DOCK10: variants seen among roughly 807,000 people sequenced by gnomAD.
DOCK10 encodes dedicator of cytokinesis protein 10.
In DOCK10, 145 loss-of-function variants were observed where a neutral mutation model predicts 280.1. That is an observed-to-expected ratio of 0.52 (90% CI 0.45 to 0.59). DOCK10 has a LOEUF of 0.59. Among genes scored for constraint, DOCK10 ranks in the 20% least tolerant of loss-of-function variants. DOCK10 has a pLI of 0.00. For synonymous variants in DOCK10, 915 were observed against 942.2 expected, an observed-to-expected ratio of 0.97 and a Z score of 0.53; for missense variants, 2,368 against 2,651.7, an observed-to-expected ratio of 0.89 and a Z score of 2.35.
chr2:224,987,856 T>G (rs1332234053), intron 1 of DOCK10, among the ~76,000 whole-genome samples: 1 of 152,164 alleles, frequency 6.6e-6, no homozygotes, highest in African/African-American at 2.4e-5. Context: ...CTTGTCCAAA[T>G]GACAGCCTGG....
intron 1 of DOCK10, among the ~76,000 whole-genome samples, chr2:225,000,389 T>C (rs1706400518): frequency 6.6e-6 from 1 of 152,240 alleles, no homozygotes; most frequent in African/African-American, 2.4e-5. Flanking sequence ...ATTCTATTTA[T>C]TACAGTCATT....
chr2:224,885,789 T>C lies in DOCK10; in HGVS notation c.629A>G (p.Tyr210Cys). ...TVTVRSFKKR[Y>C]FQLTQLPDNS... The stretch of plus-strand genomic sequence containing the variant: ...ATCTGGTAACTGAGTCAGCTGGAAG[T>C]AGCGCTTTTTGAATGACTAAATAAA... The change falls in exon 7 of 56, where the codon TAC becomes TGC. Residue 210 changes from tyrosine to cysteine, a missense_variant. Transcript: ENST00000258390. 1 of 1,613,110 alleles carries C rather than the reference T, an allele frequency of 6.2e-7. No individual in the cohort carries two copies. The highest frequency in any genetic ancestry group is 1.1e-5 in the South Asian group (1 of 90,910).
At chr2:224,999,843 C>T (rs940223915) in intron 1 of DOCK10, among the ~76,000 whole-genome samples, 6 of 151,900 alleles carry the variant, frequency 3.9e-5, no homozygotes, top group Non-Finnish European at 8.8e-5. Context: ...GAGTTGCAGT[C>T]TGACAGTATG....
intron 16 of DOCK10, among the ~76,000 whole-genome samples, chr2:224,854,295 C>T (rs1242454993): frequency 6.6e-6 from 1 of 151,778 alleles, no homozygotes; most frequent in Non-Finnish European, 1.5e-5. Context: ...CCAATTTTAC[C>T]ACTTAAAAAT....
intron 29 of DOCK10, among the ~76,000 whole-genome samples, chr2:224,818,796 G>A (rs750029696): frequency 2.6e-5 from 4 of 152,162 alleles, no homozygotes; most frequent in African/African-American, 9.7e-5. Context: ...TCAAATTGGA[G>A]TCAGTTTCTG....
chr2:224,864,636 A>C lies in DOCK10; in HGVS notation c.1519T>G (p.Leu507Val). 1 of 1,613,576 alleles carries C rather than the reference A, an allele frequency of 6.2e-7. No homozygotes were observed. Among genetic ancestry groups the C allele is most frequent in the Non-Finnish European group, 8.5e-7 (1 of 1,179,800 alleles). Residue 507 changes from leucine to valine, a missense_variant, in exon 13 of 56, where the codon TTG becomes GTG. Transcript: ENST00000258390. ...SVSNPHSEIVLVAKIEKVLMG... is the reference protein window; with the variant it reads ...SVSNPHSEIVVVAKIEKVLMG... ...AAGACTTTTTCGATTTTGGCCACCA[A>C]AACAATTTCAGAATGTGGATTGCTT... is the stretch of plus-strand genomic sequence containing the variant.
At chr2:224,820,566 G>A (rs2125321745) in intron 28 of DOCK10, among the ~76,000 whole-genome samples, 1 of 152,234 alleles carries the variant, frequency 6.6e-6, no homozygotes, top group East Asian at 1.9e-4. Flanking sequence ...AAGTGTCCAG[G>A]ATGATCCATT....
At chr2:225,000,777 C>T (rs186165683) in intron 1 of DOCK10, among the ~76,000 whole-genome samples, 9 of 152,208 alleles carry the variant, frequency 5.9e-5, no homozygotes, top group Admixed American at 1.3e-4. Flanking sequence ...GTCAGGAGTT[C>T]GAGACCAGTC....
At chr2:224,959,271 G>C (rs1167547967) in intron 1 of DOCK10, among the ~76,000 whole-genome samples, 1 of 98,686 alleles carries the variant, frequency 1.0e-5, no homozygotes, top group Non-Finnish European at 2.3e-5. Context: ...GATAGGTTGA[G>C]TGACCTCAGG....
chr2:225,023,225 G>A (rs1439171574), intron 1 of DOCK10, among the ~76,000 whole-genome samples: 3 of 152,088 alleles, frequency 2.0e-5, no homozygotes, highest in Non-Finnish European at 4.4e-5. Context: ...TAGTGGAGAC[G>A]GGGTTTCTCC....
intron 14 of DOCK10, among the ~76,000 whole-genome samples, chr2:224,858,494 T>TA (rs1574949424): frequency 6.6e-6 from 1 of 152,180 alleles, no homozygotes; most frequent in Admixed American, 6.5e-5. Flanking sequence ...CCGTCTCTAC[T>TA]AAAAATACAA....
rs188356873 is a variant in DOCK10 at position 224,873,553 on chromosome 2, C to T, written c.1257+443G>A. The stretch of plus-strand genomic sequence containing the variant: ...CTGAGGCTGCAGTGAGCCGAGACTG[C>T]GCAACTGCACTCCAGCCTGGGCAAC... On this transcript the variant is annotated intron_variant, in intron 11 of 55. Transcript: ENST00000258390. Among the ~76,000 whole-genome samples, 193 of 138,376 alleles carry T rather than the reference C, an allele frequency of 1.4e-3. 3 individuals carry two copies. Among genetic ancestry groups the T allele is most frequent in the Admixed American group, 0.012 (149 of 12,514 alleles). 90.8% of individuals were successfully genotyped at this position (138,376 alleles called of 152,430 possible). A position where few individuals can be genotyped will look rare whatever the true frequency, so the allele number is the denominator to read the frequency against.
At chr2:224,779,390 GTTT>G (rs1473872894) in intron 50 of DOCK10, among the ~76,000 whole-genome samples, 1 of 151,950 alleles carries the variant, frequency 6.6e-6, no homozygotes, top group Non-Finnish European at 1.5e-5. Flanking sequence ...TAATTTTTGT[GTTT>G]TTAATTAAGG....
At chr2:224,991,109 G>A (rs565759190) in intron 1 of DOCK10, among the ~76,000 whole-genome samples, 3 of 152,340 alleles carry the variant, frequency 2.0e-5, no homozygotes, top group Admixed American at 6.5e-5. Flanking sequence ...GGTGAAGGCA[G>A]GTGGGCTGAA....
intron 3 of DOCK10, among the ~76,000 whole-genome samples, chr2:224,904,502 G>A (rs1162295170): frequency 6.6e-6 from 1 of 152,046 alleles, no homozygotes; most frequent in African/African-American, 2.4e-5. Context: ...TAGCCCTGAG[G>A]TCACACTATA....
chr2:224,910,804 G>C (rs1490228251), intron 3 of DOCK10, among the ~76,000 whole-genome samples: 1 of 152,072 alleles, frequency 6.6e-6, no homozygotes, highest in African/African-American at 2.4e-5. Flanking sequence ...CGGGATATTT[G>C]TAAGCAGGGC....
rs577741461 is a variant in DOCK10 at position 224,995,443 on chromosome 2, A to G, written c.123+46809T>C. Among the ~76,000 whole-genome samples the G allele has an allele frequency of 2.0e-5, 3 of 152,352 alleles. No individual in the cohort carries two copies. The South Asian group carries it at 6.2e-4, about 32-fold the overall frequency. On this transcript the variant is annotated intron_variant, in intron 1 of 55. Transcript: ENST00000258390. ...AACACATATAATTCAACAAGCACTT[A>G]TTGAACACCTATTATCTATCTCACG...
At chr2:224,779,222 C>CTTT (rs113624569) in intron 50 of DOCK10, among the ~76,000 whole-genome samples, 15 of 143,236 alleles carry the variant, frequency 1.0e-4, no homozygotes, top group African/African-American at 3.9e-4. Context: ...TATCTGGTTT[C>CTTT]TTTTTTTTTT....
In DOCK10 at chr2:224,855,059, G is replaced by C. The variant is rs764115632; in HGVS notation, c.1809-17C>G. The C allele has an allele frequency of 1.7e-6, 2 of 1,162,444 alleles. No individual in the cohort carries two copies. The highest frequency in any genetic ancestry group is 2.7e-5 in the South Asian group (2 of 75,166). 72.0% of individuals were successfully genotyped at this position (1,162,444 alleles called of 1,614,324 possible). ...CTGTCGGCCCTGTAAGAGTGCATGA[G>C]CAAGGACACACACACACACACACAC... On this transcript the variant is annotated splice_polypyrimidine_tract_variant and intron_variant, in intron 15 of 55. Transcript: ENST00000258390.
Sources: gnomAD v4.1 joint callset for allele counts (sites outside exome capture counted in the v4.1 genomes callset) on GRCh38, gnomAD v4.1.1 for gene constraint, MANE v1.5 for transcripts, NCBI Gene and HGNC (gene_info 2026-07-23, HGNC 2026-07-21) for gene names.